SPIRE2: variants seen among roughly 807,000 people sequenced by gnomAD.
SPIRE2 encodes the protein spire type actin nucleation factor 2, also known as protein spire homolog 2.
SPIRE2 carries 76 observed loss-of-function variants against 80.7 expected under a neutral mutation model. That is an observed-to-expected ratio of 0.94 (90% CI 0.78 to 1.14). SPIRE2 has a LOEUF of 1.14. Ranked by LOEUF, SPIRE2 falls within the 50% of genes most tolerant of loss-of-function variation. The pLI, the probability that SPIRE2 is intolerant of heterozygous loss-of-function variation, is 0.00. For missense variants in SPIRE2, 1,196 were observed against 1,015.3 expected (o/e 1.18, Z -2.42); for synonymous variants, 535 against 432.6 (o/e 1.24, Z -2.94).
chr16:89,849,453 C>T (rs563432733), intron 2 of SPIRE2, among the ~76,000 whole-genome samples: 3 of 152,342 alleles, frequency 2.0e-5, no homozygotes, highest in African/African-American at 2.4e-5. Flanking sequence ...GGAGTGCTGT[C>T]GTTATATTTG....
Position 89,828,860 on chromosome 16 carries a change from G to T in SPIRE2, c.244+66G>T, listed in dbSNP as rs922436346. 1 of 1,143,394 alleles carries T rather than the reference G, an allele frequency of 8.7e-7. No homozygotes were observed. Among genetic ancestry groups the T allele is most frequent in the South Asian group, 4.3e-5 (1 of 23,122 alleles). 70.8% of individuals were successfully genotyped at this position (1,143,394 alleles called of 1,614,324 possible). ...GGGGCGTCCGTCCCGCCCCCTGGGT[G>T]GGGGTGGTCCCGGCGGAGAGGCTGC... On this transcript the variant is annotated intron_variant, in intron 1 of 14. Coordinates refer to ENST00000378247, the MANE Select transcript of SPIRE2 (RefSeq NM_032451.2). This position sits in a 1 kb window ranked among gnomAD's most constrained non-coding sequence, Gnocchi z 5.9.
At chr16:89,861,412 A>G (rs1250378815) in intron 10 of SPIRE2, among the ~76,000 whole-genome samples, 4 of 152,214 alleles carry the variant, frequency 2.6e-5, no homozygotes. Context: ...AGATGTTAAA[A>G]TGCTTTGAGA....
chr16:89,848,159 C>T (rs1220213745), intron 2 of SPIRE2, among the ~76,000 whole-genome samples: 1 of 152,224 alleles, frequency 6.6e-6, no homozygotes, highest in Non-Finnish European at 1.5e-5. Flanking sequence ...TTCCTCACAC[C>T]CCGCCCTCTG....
At chr16:89,843,053 C>T (rs1739076346) in intron 1 of SPIRE2, among the ~76,000 whole-genome samples, 1 of 152,202 alleles carries the variant, frequency 6.6e-6, no homozygotes, top group Non-Finnish European at 1.5e-5. Context: ...GAAAGAATTC[C>T]AGGCAGCTGG....
chr16:89,852,023 C>T (rs950232236), intron 3 of SPIRE2, among the ~76,000 whole-genome samples: 4 of 149,226 alleles, frequency 2.7e-5, no homozygotes, highest in African/African-American at 5.0e-5. Flanking sequence ...TCTCCCCCCA[C>T]CCCCCAGATC....
rs2041600410 is a variant in SPIRE2, at chr16:89,849,473, GTCTT to G, written c.289-824_289-821del. 3.9e-5 allele frequency among the ~76,000 whole-genome samples: 6 copies of G among 152,372 alleles called. No individual in the cohort carries two copies. In the South Asian group the frequency reaches 1.2e-3, roughly 32 times the overall value. On this transcript the variant is annotated intron_variant, in intron 2 of 14. Coordinates refer to ENST00000378247, the MANE Select transcript of SPIRE2 (RefSeq NM_032451.2). ...GCTGTCGTTATATTTGTGTGTGTGG[GTCTT>G]TCTTTCCTTGTTGTAAAGCGAAACT... is the stretch of plus-strand genomic sequence containing the variant.
At chr16:89,863,000 G>A (rs563240791) in intron 10 of SPIRE2, 1 of 170,518 alleles carries the variant, frequency 5.9e-6, no homozygotes, top group African/African-American at 2.4e-5. Flanking sequence ...CTCAACATAA[G>A]GTGGCCCCAG....
chr16:89,832,203 T>G (rs547426709), intron 1 of SPIRE2, among the ~76,000 whole-genome samples: 1 of 152,222 alleles, frequency 6.6e-6, no homozygotes, highest in African/African-American at 2.4e-5. Flanking sequence ...CGGAAGCCCG[T>G]TTGTGTGTCT....
intron 2 of SPIRE2, 170 bp downstream of exon 2, chr16:89,845,535 G>A: frequency 1.3e-6 from 1 of 745,698 alleles, no homozygotes; most frequent in Non-Finnish European, 2.4e-6. Context: ...GCTGTTCACA[G>A]AGAGCAGACG....
rs35800930 is a variant in SPIRE2, at chr16:89,855,632, G to A, written c.924G>A (p.Lys308=). The A allele has an allele frequency of 1.1e-5, 17 of 1,612,696 alleles. No homozygotes were observed. The highest frequency in any genetic ancestry group is 4.4e-5 in the South Asian group (4 of 91,076). ...GGGACATCCCGCCCCGGGTGAAGAA[G>A]GACGCTCACGAGCTCATCCTGGACT... is the stretch of plus-strand genomic sequence containing the variant. The part of the protein sequence containing the change: ...VDGDIPPRVK[K]DAHELILDFI... The change falls in exon 6 of 15, where the codon AAG becomes AAA. Residue 308 remains lysine (K), a synonymous_variant. Coordinates refer to ENST00000378247, the MANE Select transcript of SPIRE2 (RefSeq NM_032451.2).
At chr16:89,836,077 A>C (rs1311031427) in intron 1 of SPIRE2, 1 of 404,030 alleles carries the variant, frequency 2.5e-6, no homozygotes, top group Non-Finnish European at 5.0e-6. Flanking sequence ...TAGGAGGTTA[A>C]GGCAGGAGAA....
chr16:89,828,859 TG>T lies in SPIRE2; in HGVS notation c.244+70del. ...TGGGGCGTCCGTCCCGCCCCCTGGG[TG>T]GGGGTGGTCCCGGCGGAGAGGCTGC... is the stretch of plus-strand genomic sequence containing the variant. On this transcript the variant is annotated intron_variant, in intron 1 of 14. Transcript: ENST00000378247. The surrounding 1 kb of genome is among the most constrained non-coding windows in gnomAD (Gnocchi z 5.9). 1 of 1,140,476 alleles carries T rather than the reference TG, an allele frequency of 8.8e-7. No homozygotes were observed. Among genetic ancestry groups the T allele is most frequent in the Non-Finnish European group, 1.1e-6 (1 of 923,034 alleles). The allele number at this position is 1,140,476 out of a possible 1,614,324, so 70.6% of individuals were successfully genotyped here. A position where few individuals can be genotyped will look rare whatever the true frequency, so the allele number is the denominator to read the frequency against.
At chr16:89,856,887 C>G (rs2041696139) in intron 7 of SPIRE2, among the ~76,000 whole-genome samples, 2 of 151,598 alleles carry the variant, frequency 1.3e-5, no homozygotes, top group Non-Finnish European at 2.9e-5. Flanking sequence ...ATAGTGAGAC[C>G]TCATCTCTGC....
intron 5 of SPIRE2, 110 bp downstream of exon 5, chr16:89,854,761 A>G: frequency 7.9e-7 from 1 of 1,260,630 alleles, no homozygotes; most frequent in African/African-American, 1.5e-5. Context: ...AGAGCGGCCC[A>G]GGGTCCCTGC....
At chr16:89,858,700 C>T (rs2041715269) in intron 8 of SPIRE2, among the ~76,000 whole-genome samples, 193 bp downstream of exon 8, 1 of 152,224 alleles carries the variant, frequency 6.6e-6, no homozygotes, top group African/African-American at 2.4e-5. Context: ...CTTGGCCGCT[C>T]AGAAGGGTGA....
chr16:89,833,627 A>G lies in SPIRE2; in HGVS notation c.244+4833A>G, dbSNP rs546803882. On this transcript the variant is annotated intron_variant, in intron 1 of 14. Coordinates refer to ENST00000378247, the MANE Select transcript of SPIRE2 (RefSeq NM_032451.2). ...GTGCCTCGGTTTCCTTCTCCGTGAA[A>G]TGGGAGGTGCAGCGTGGTGCTAACG... Among the ~76,000 whole-genome samples the G allele has an allele frequency of 2.8e-4, 42 of 152,324 alleles. 1 individual carries two copies. The highest frequency in any genetic ancestry group is 2.7e-3 in the Admixed American group (41 of 15,310).
intron 1 of SPIRE2, among the ~76,000 whole-genome samples, chr16:89,842,039 T>G (rs2041510645): frequency 6.6e-6 from 1 of 150,914 alleles, no homozygotes; most frequent in African/African-American, 2.4e-5. Context: ...TAAATAATTT[T>G]TTAACATCTA....
At chr16:89,859,437 A>G (rs543868497) in intron 9 of SPIRE2, 83 bp downstream of exon 9, 2 of 895,100 alleles carry the variant, frequency 2.2e-6, no homozygotes, top group East Asian at 6.6e-5. Context: ...ACCTCAGCCC[A>G]CATCTTCCTG....
chr16:89,840,078 C>T (rs1005557985), intron 1 of SPIRE2, among the ~76,000 whole-genome samples: 57 of 152,232 alleles, frequency 3.7e-4, no homozygotes, highest in Non-Finnish European at 1.6e-4. Context: ...AACCCCTTGT[C>T]GGGCTAGGCT....
Sources: gnomAD v4.1 joint callset for allele counts (sites outside exome capture counted in the v4.1 genomes callset) on GRCh38, gnomAD v4.1.1 for gene constraint, Gnocchi (gnomAD v3.1) non-coding constraint, MANE v1.5 for transcripts, NCBI Gene and HGNC (gene_info 2026-07-23, HGNC 2026-07-21) for gene names.